The following MDN1 variants were observed in gnomAD, a reference collection of about 807,000 sequenced individuals.
MDN1 encodes the protein midasin AAA ATPase 1.
A neutral mutation model predicts 669.2 loss-of-function variants in MDN1; 266 were observed. The ratio of observed to expected loss-of-function variants is 0.40; its 90% CI spans 0.36 to 0.44. The LOEUF (loss-of-function observed/expected upper bound fraction) is 0.44. Among genes scored for constraint, MDN1 ranks in the 20% least tolerant of loss-of-function variants. The pLI is 1.00. For synonymous variants in MDN1, 2,385 were observed against 2,457.1 expected, an observed-to-expected ratio of 0.97 and a Z score of 0.87; for missense variants, 5,940 against 6,754.0, an observed-to-expected ratio of 0.88 and a Z score of 4.22.
At chr6:89,656,324 A>C (rs1400437421) in intron 91 of MDN1, among the ~76,000 whole-genome samples, 2 of 152,178 alleles carry the variant, frequency 1.3e-5, no homozygotes, top group Non-Finnish European at 2.9e-5. Flanking sequence ...GGTTTTTTAC[A>C]CTAATTTTGC....
At chr6:89,747,690 G>A (rs1816714158) in intron 26 of MDN1, among the ~76,000 whole-genome samples, 2 of 151,590 alleles carry the variant, frequency 1.3e-5, no homozygotes, top group Non-Finnish European at 1.5e-5. Flanking sequence ...AGGAAATCGA[G>A]ACCATCCTGG....
At chr6:89,773,447 G>A (rs1818205957) in intron 13 of MDN1, among the ~76,000 whole-genome samples, 2 of 151,748 alleles carry the variant, frequency 1.3e-5, no homozygotes, top group South Asian at 2.1e-4. Flanking sequence ...GGCTGAGGCA[G>A]GAGAATCACT....
At chr6:89,744,594 G>A (rs1372201586) in intron 29 of MDN1, among the ~76,000 whole-genome samples, 1 of 152,006 alleles carries the variant, frequency 6.6e-6, no homozygotes, top group East Asian at 1.9e-4. Context: ...GTAGAGACGG[G>A]GTTTTGCCAT....
At chr6:89,743,128 G>A in intron 31 of MDN1, 22 bp downstream of exon 31, 2 of 1,607,856 alleles carry the variant, frequency 1.2e-6, no homozygotes, top group Non-Finnish European at 1.7e-6. Flanking sequence ...TCAAACACAA[G>A]GCAAACCTCT....
chr6:89,673,149 ATG>A, intron 80 of MDN1, 85 bp downstream of exon 80: 4 of 1,185,576 alleles, frequency 3.4e-6, no homozygotes, highest in Non-Finnish European at 4.9e-6. Flanking sequence ...CCAAAATATA[ATG>A]TGTCTTTTGG....
intron 53 of MDN1, 32 bp from the exon 54 acceptor site, chr6:89,702,093 T>A (rs530878203): frequency 5.1e-6 from 8 of 1,555,472 alleles, no homozygotes; most frequent in Admixed American, 2.1e-5. Flanking sequence ...TAAGATGGCA[T>A]GAAGAAAGAC....
intron 83 of MDN1, among the ~76,000 whole-genome samples, 154 bp from the exon 84 acceptor site, chr6:89,668,305 C>T (rs1431147880): frequency 2.0e-5 from 3 of 152,244 alleles, no homozygotes; most frequent in Non-Finnish European, 2.9e-5. Flanking sequence ...AGACTTCTGA[C>T]ATTCTTCTCC....
At chr6:89,664,991 G>T (rs140004754) in intron 84 of MDN1, among the ~76,000 whole-genome samples, 1 of 151,928 alleles carries the variant, frequency 6.6e-6, no homozygotes, top group South Asian at 2.1e-4. Context: ...AGAGAATCTT[G>T]GTCATTCTTC....
At chr6:89,736,472 C>G (rs987351563) in intron 33 of MDN1, among the ~76,000 whole-genome samples, 2 of 152,208 alleles carry the variant, frequency 1.3e-5, no homozygotes, top group Non-Finnish European at 2.9e-5. Context: ...ACCCAAAAGA[C>G]AAACCATGCT....
Position 89,762,513 on chromosome 6 carries a change from T to A in MDN1, c.2162A>T (p.His721Leu). 3 of 1,613,044 alleles carry A rather than the reference T, an allele frequency of 1.9e-6. No homozygotes were observed. The highest frequency in any genetic ancestry group is 2.5e-6 in the Non-Finnish European group (3 of 1,179,108). ...DLLGGYKPVD[H>L]KLIWLPLREA... Reference sequence around the variant, plus strand: ...CCGTAAGGGTAGCCAAATAAGCTTATGGTCCACCGGTTTATAACTGAAACA... The same window carrying A: ...CCGTAAGGGTAGCCAAATAAGCTTAAGGTCCACCGGTTTATAACTGAAACA... Residue 721 changes from histidine to leucine, a missense_variant, in exon 16 of 102, where the codon CAT becomes CTT. His to Leu is a moderately conservative substitution (Grantham distance 99). Coordinates refer to ENST00000369393, the MANE Select transcript of MDN1 (RefSeq NM_014611.3).
At chr6:89,661,691 C>G in intron 87 of MDN1, 113 bp from the exon 88 acceptor site, 1 of 1,031,650 alleles carries the variant, frequency 9.7e-7, no homozygotes, top group Admixed American at 3.0e-5. Flanking sequence ...AACACAATAT[C>G]TATTCCCTAA....
At chr6:89,776,874 A>G (rs1339763784) in intron 11 of MDN1, among the ~76,000 whole-genome samples, 179 bp from the exon 12 acceptor site, 1 of 152,198 alleles carries the variant, frequency 6.6e-6, no homozygotes, top group Admixed American at 6.5e-5. Flanking sequence ...CATAATGGAA[A>G]GACAGGACAC....
rs1812491431 is a variant in MDN1, at chr6:89,693,162, A to G, written c.9882-14T>C. On this transcript the variant is annotated splice_polypyrimidine_tract_variant and intron_variant, in intron 62 of 101. Transcript: ENST00000369393. The stretch of plus-strand genomic sequence containing the variant: ...TGGCGAAGCAGCCTAACGGGAAATT[A>G]ACACAATATGCCAATTATGTCAGAA... 1 of 1,538,104 alleles carries G rather than the reference A, an allele frequency of 6.5e-7. No homozygotes were observed. Among genetic ancestry groups the G allele is most frequent in the African/African-American group, 1.4e-5 (1 of 72,618 alleles).
intron 83 of MDN1, among the ~76,000 whole-genome samples, chr6:89,668,664 A>G (rs934227446): frequency 3.9e-5 from 6 of 152,260 alleles, no homozygotes; most frequent in African/African-American, 1.4e-4. Flanking sequence ...AATATATACT[A>G]TGAAGATATA....
At position 89,700,240 on chromosome 6, in the gene MDN1, A is replaced by T; in HGVS notation, c.8693T>A (p.Leu2898His). The T allele has an allele frequency of 6.2e-7, 1 of 1,614,236 alleles. No homozygotes were observed. The highest frequency in any genetic ancestry group is 8.5e-7 in the Non-Finnish European group (1 of 1,180,038). ...CTTTTTCTCCAGAAAACCAAGTGAG[A>T]GTCCTTTGGCTTTCAGTTCTAAACA... is the stretch of plus-strand genomic sequence containing the variant. ...AQCLELKAKG[L>H]SLGFLEKKHD... The change falls in exon 57 of 102, where the codon CTC (leucine) becomes CAC (histidine). Residue 2898 changes from leucine (L) to histidine (H), a missense_variant. Coordinates refer to ENST00000369393, the MANE Select transcript of MDN1 (RefSeq NM_014611.3).
At chr6:89,681,096 C>G (rs1232519795) in intron 73 of MDN1, among the ~76,000 whole-genome samples, 3 of 152,100 alleles carry the variant, frequency 2.0e-5, no homozygotes, top group Non-Finnish European at 2.9e-5. Context: ...TTCTCAGACA[C>G]AGCAGCCAGG....
chr6:89,705,223 G>A (rs1288176501), intron 53 of MDN1, among the ~76,000 whole-genome samples: 4 of 152,074 alleles, frequency 2.6e-5, no homozygotes, highest in East Asian at 1.9e-4. Flanking sequence ...TCATATTAAC[G>A]TGAAATTCTT....
rs747560169 is a variant in MDN1, at chr6:89,803,367, G to A, written c.290C>T (p.Ser97Leu). The stretch of plus-strand genomic sequence containing the variant: ...ATGGTTACCAATGAGTTTGCTCATC[G>A]ACACACATAGCCGTTCATGCAGATC... ...NHDLHERLCV[S>L]MSKLIGNHPD... The change falls in exon 2 of 102, where the codon TCG becomes TTG. Residue 97 changes from serine to leucine, a missense_variant. Ser to Leu is a moderately radical substitution (Grantham distance 145). Around this residue, in one of 5 missense-constraint regions of MDN1, gnomAD observed 1,203 missense variants for 1,268.9 expected, o/e 0.95. Transcript: ENST00000369393. 1.4e-5 allele frequency: 22 copies of A among 1,613,988 alleles called. No individual in the cohort carries two copies. Among genetic ancestry groups the A allele is most frequent in the East Asian group, 2.2e-5 (1 of 44,894 alleles).
intron 83 of MDN1, among the ~76,000 whole-genome samples, chr6:89,670,278 A>G (rs988717147): frequency 2.7e-5 from 4 of 147,472 alleles, no homozygotes; most frequent in African/African-American, 1.0e-4. Flanking sequence ...GGGTTCAAAC[A>G]ATTCTCCTGT....
Sources: allele counts gnomAD v4.1 joint callset (sites outside exome capture counted in the v4.1 genomes callset), GRCh38; gene constraint gnomAD v4.1.1; regional missense constraint gnomAD v4.1.1; transcripts MANE v1.5; gene names NCBI Gene and HGNC (gene_info 2026-07-23, HGNC 2026-07-21).